The following CRLF2 variants were observed in gnomAD, a reference collection of about 807,000 sequenced individuals.
CRLF2 encodes the protein cytokine receptor-like factor 2.
A neutral mutation model predicts 38.7 loss-of-function variants in CRLF2; 41 were observed. That is an observed-to-expected ratio of 1.06 (90% CI 0.83 to 1.37). The LOEUF (loss-of-function observed/expected upper bound fraction) is 1.37, where lower values mean the gene tolerates loss of function less well. Ranked by LOEUF, CRLF2 falls within the 40% of genes most tolerant of loss-of-function variation. CRLF2 has a pLI of 0.00. For synonymous variants in CRLF2, 140 were observed against 128.8 expected, an observed-to-expected ratio of 1.09 and a Z score of -0.59; for missense variants, 377 against 322.2, an observed-to-expected ratio of 1.17 and a Z score of -1.30.
In CRLF2 at chrX:1,201,489, T is replaced by C. The variant is rs866032191; in HGVS notation, c.483+913A>G. Among the ~76,000 whole-genome samples the C allele has an allele frequency of 9.7e-4, 78 of 80,138 alleles. 2 individuals carry two copies. The highest frequency in any genetic ancestry group is 7.5e-4 in the South Asian group (2 of 2,676). 52.6% of individuals were successfully genotyped at this position (80,138 alleles called of 152,430 possible). ...GATACATAGACAGATGATAGAGAGATAGATAGATGATACATAGATGATAGA... is the reference window on the plus strand; with the variant it reads ...GATACATAGACAGATGATAGAGAGACAGATAGATGATACATAGATGATAGA... On this transcript the variant is annotated intron_variant, in intron 4 of 7. Coordinates refer to ENST00000400841, the MANE Select transcript of CRLF2 (RefSeq NM_022148.4).
chrX:1,201,361 G>C (rs1415708748), intron 4 of CRLF2, among the ~76,000 whole-genome samples: 1 of 146,240 alleles, frequency 6.8e-6, no homozygotes, highest in East Asian at 2.0e-4. Context: ...TGTGTGTAGA[G>C]AGACAGGTGT....
chrX:1,197,525 T>C (rs2086506132), intron 5 of CRLF2, among the ~76,000 whole-genome samples: 2 of 151,844 alleles, frequency 1.3e-5, no homozygotes, highest in Admixed American at 6.6e-5. Context: ...CCTGAAAACA[T>C]ACGTCAAAGG....
intron 3 of CRLF2, 118 bp downstream of exon 3, chrX:1,206,315 T>C (rs1467278936): frequency 2.2e-6 from 2 of 908,362 alleles, no homozygotes; most frequent in African/African-American, 3.3e-5. Context: ...AGCTTGCTTC[T>C]CAATAGTTAA....
chrX:1,203,795 A>C (rs1436396629), intron 3 of CRLF2, among the ~76,000 whole-genome samples: 5 of 152,168 alleles, frequency 3.3e-5, no homozygotes, highest in African/African-American at 1.2e-4. Context: ...TTAAGCCTCC[A>C]GTTTGTGGTG....
intron 5 of CRLF2, among the ~76,000 whole-genome samples, 162 bp downstream of exon 5, chrX:1,198,400 G>A (rs1276587345): frequency 3.4e-4 from 3 of 8,860 alleles, no homozygotes; most frequent in African/African-American, 8.5e-4. Context: ...CTCCCACCTC[G>A]AAGGCAGGAC....
intron 1 of CRLF2, among the ~76,000 whole-genome samples, chrX:1,209,763 A>G (rs1221322404): frequency 6.6e-6 from 1 of 152,106 alleles, no homozygotes; most frequent in Non-Finnish European, 1.5e-5. Flanking sequence ...AACTGTCCCC[A>G]TCGATCCACC....
At chrX:1,191,980 T>C (rs1197428630) in intron 7 of CRLF2, among the ~76,000 whole-genome samples, 101,357 of 144,964 alleles carry the variant, frequency 0.7, 37,517 homozygotes, top group East Asian at 0.91. Context: ...CCAAGGTGGG[T>C]GGATCATGAG....
At chrX:1,193,653 G>A (rs2086431516) in intron 6 of CRLF2, among the ~76,000 whole-genome samples, 1 of 151,720 alleles carries the variant, frequency 6.6e-6, no homozygotes, top group Non-Finnish European at 1.5e-5. Flanking sequence ...GTGGTGGTGG[G>A]CACCTGTAGT....
At chrX:1,204,197 G>A (rs1212442681) in intron 3 of CRLF2, among the ~76,000 whole-genome samples, 1 of 50,220 alleles carries the variant, frequency 2.0e-5, no homozygotes, top group African/African-American at 4.3e-5. Context: ...GGGCACCAGA[G>A]AGCATCTCTA....
intron 7 of CRLF2, among the ~76,000 whole-genome samples, chrX:1,191,621 T>C (rs2086382331): frequency 6.6e-6 from 1 of 151,512 alleles, no homozygotes; most frequent in African/African-American, 2.4e-5. Context: ...AGCCTCCGCC[T>C]ACCCGGTTCA....
chrX:1,201,871 C>A (rs2086614612), intron 4 of CRLF2, among the ~76,000 whole-genome samples: 1 of 151,282 alleles, frequency 6.6e-6, no homozygotes, highest in Non-Finnish European at 1.5e-5. Flanking sequence ...AGAAGATTGA[C>A]CATACATAGA....
Position 1,199,062 on chromosome X carries a change from T to C in CRLF2, c.484-338A>G, listed in dbSNP as rs552302439. The C allele has an allele frequency of 1.1e-4, 46 of 410,152 alleles. No homozygotes were observed. The East Asian group carries it at 3.0e-3, about 27-fold the overall frequency. 25.4% of individuals were successfully genotyped at this position (410,152 alleles called of 1,614,324 possible). A position where few individuals can be genotyped will look rare whatever the true frequency, so the allele number is the denominator to read the frequency against. On this transcript the variant is annotated intron_variant, in intron 4 of 7. Transcript: ENST00000400841. Reference sequence around the variant, plus strand: ...TACTTGGGAGGCTGAGGCAGGAGAATCGCTTGAACCTGGGAGGCGAAGGTT... The same window carrying C: ...TACTTGGGAGGCTGAGGCAGGAGAACCGCTTGAACCTGGGAGGCGAAGGTT...
Position 1,198,559 on chromosome X carries a change from T to C in CRLF2, c.646+3A>G. Reference sequence around the variant, plus strand: ...TGGGACACTGCCGCGTAACAAGCATTACCCCGAATCTCGCCTCTCTGCCAG... The same window carrying C: ...TGGGACACTGCCGCGTAACAAGCATCACCCCGAATCTCGCCTCTCTGCCAG... On this transcript the variant is annotated splice_donor_region_variant and intron_variant, in intron 5 of 7. Coordinates refer to ENST00000400841, the MANE Select transcript of CRLF2 (RefSeq NM_022148.4). 1 of 1,613,596 alleles carries C rather than the reference T, an allele frequency of 6.2e-7. No homozygotes were observed. The highest frequency in any genetic ancestry group is 8.5e-7 in the Non-Finnish European group (1 of 1,179,668).
chrX:1,210,671 G>C (rs746636064), intron 1 of CRLF2, among the ~76,000 whole-genome samples: 6 of 152,296 alleles, frequency 3.9e-5, no homozygotes, highest in Admixed American at 3.3e-4. Flanking sequence ...AGTGAACCTT[G>C]TCATGTTGGG....
chrX:1,212,498 G>A, intron 1 of CRLF2, 58 bp downstream of exon 1: 1 of 1,173,168 alleles, frequency 8.5e-7, no homozygotes, highest in Admixed American at 1.8e-5. Context: ...AAGAGTGCCT[G>A]GTTGCAAAGC....
In CRLF2 at chrX:1,206,028, C is replaced by A. The variant is rs111280624; in HGVS notation, c.349+405G>T. Among the ~76,000 whole-genome samples the A allele has an allele frequency of 3.8e-3, 571 of 151,794 alleles. 3 individuals are homozygous for A. Among genetic ancestry groups the A allele is most frequent in the Admixed American group, 5.6e-3 (86 of 15,234 alleles). The stretch of plus-strand genomic sequence containing the variant: ...GTGGTTACGGTAATCATTGATCCAG[C>A]GACTATCATGAGATTGCTTTTCGGT... On this transcript the variant is annotated intron_variant, in intron 3 of 7. Coordinates refer to ENST00000400841, the MANE Select transcript of CRLF2 (RefSeq NM_022148.4).
intron 1 of CRLF2, among the ~76,000 whole-genome samples, chrX:1,212,022 G>A (rs779420442): frequency 2.0e-5 from 3 of 151,344 alleles, no homozygotes; most frequent in Admixed American, 6.6e-5. Context: ...GGATGGATGA[G>A]TGAATGAAAG....
intron 6 of CRLF2, among the ~76,000 whole-genome samples, chrX:1,194,851 G>T (rs1372739313): frequency 6.6e-6 from 1 of 151,894 alleles, no homozygotes; most frequent in Non-Finnish European, 1.5e-5. Flanking sequence ...GGCCAACACG[G>T]TGAAACCCCG....
intron 7 of CRLF2, among the ~76,000 whole-genome samples, chrX:1,192,135 G>A (rs2086393149): frequency 2.0e-5 from 3 of 147,388 alleles, no homozygotes; most frequent in African/African-American, 7.6e-5. Context: ...AACCCGGGAG[G>A]TGGAGCTTGC....
Sources: gnomAD v4.1 joint callset for allele counts (sites outside exome capture counted in the v4.1 genomes callset) on GRCh38, gnomAD v4.1.1 for gene constraint, MANE v1.5 for transcripts, NCBI Gene and HGNC (gene_info 2026-07-23, HGNC 2026-07-21) for gene names.